Variants in FGF13 observed in about 807,000 individuals in gnomAD.
FGF13 encodes fibroblast growth factor homologous factor 2.
In FGF13, 2 loss-of-function variants were observed where a neutral mutation model predicts 19.5. That is an observed-to-expected ratio of 0.10 (90% CI 0.04 to 0.32). FGF13 has a LOEUF of 0.32. FGF13 is among the 10% of genes least tolerant of loss of function. FGF13 has a pLI of 1.00. For synonymous variants in FGF13, 72 were observed against 76.9 expected (o/e 0.94, Z 0.33); for missense variants, 113 against 192.7 (o/e 0.59, Z 2.45).
chrX:138,896,189 T>C (rs2091502882), intron 1 of FGF13, among the ~76,000 whole-genome samples: 1 of 111,984 alleles, frequency 8.9e-6, no homozygotes, highest in East Asian at 2.8e-4. Context: ...TATGAGATGA[T>C]GGATATGTTA....
intron 1 of FGF13, among the ~76,000 whole-genome samples, chrX:138,909,701 G>A (rs181527651): frequency 5.4e-5 from 6 of 112,021 alleles, no homozygotes; most frequent in African/African-American, 1.9e-4. Flanking sequence ...TTACAGTTAG[G>A]TGATGTTGGA....
At chrX:139,073,497 C>G (rs2092383378) in intron 1 of FGF13, among the ~76,000 whole-genome samples, 1 of 111,541 alleles carries the variant, frequency 9.0e-6, no homozygotes, top group African/African-American at 3.3e-5. Flanking sequence ...TCACTCTTTT[C>G]CCTTTCTTAA....
At chrX:138,824,647 T>C (rs1237496084) in intron 3 of FGF13, among the ~76,000 whole-genome samples, 1 of 111,479 alleles carries the variant, frequency 9.0e-6, no homozygotes, top group Admixed American at 9.6e-5. Context: ...GAGCTATATA[T>C]GATATTGGCC....
At chrX:139,150,526 G>A (rs1167783268) in intron 1 of FGF13, among the ~76,000 whole-genome samples, 1 of 111,505 alleles carries the variant, frequency 9.0e-6, no homozygotes, top group Non-Finnish European at 1.9e-5. Context: ...TGGTGGCTTG[G>A]GATTCTTTTC....
In FGF13 at chrX:138,622,319, A is replaced by G. The variant is rs986369262; in HGVS notation, c.*10531T>C. On this transcript the variant is annotated 3_prime_UTR_variant, in exon 5 of 5. Coordinates refer to ENST00000315930, the MANE Select transcript of FGF13 (RefSeq NM_004114.5). ...GCTCAACATACTCAAATCAATAAATATGAACAATAAGACAATGAAGGATAA... is the reference window on the plus strand; with the variant it reads ...GCTCAACATACTCAAATCAATAAATGTGAACAATAAGACAATGAAGGATAA... 8.9e-6 allele frequency: 1 copy of G among 111,845 alleles called. No homozygotes were observed. Among genetic ancestry groups the G allele is most frequent in the African/African-American group, 3.2e-5 (1 of 30,853 alleles). The allele number at this position is 111,845 out of a possible 1,213,427, so 9.2% of individuals were successfully genotyped here. A position where few individuals can be genotyped will look rare whatever the true frequency, so the allele number is the denominator to read the frequency against.
rs11549463 is a variant in FGF13, at chrX:138,711,218, G to A, written c.-215C>T. 8 of 1,056,061 alleles carry A rather than the reference G, an allele frequency of 7.6e-6. No individual in the cohort carries two copies. Among genetic ancestry groups the A allele is most frequent in the African/African-American group, 3.9e-5 (2 of 51,294 alleles). 87.0% of individuals were successfully genotyped at this position (1,056,061 alleles called of 1,213,427 possible). On this transcript the variant is annotated 5_prime_UTR_variant, in exon 1 of 5. Coordinates refer to ENST00000315930, the MANE Select transcript of FGF13 (RefSeq NM_004114.5). ...TCCGGCGGCGGTCCGGCTCCCGCGC[G>A]GGCTGCTGGCTGCCTGGGTCGGAGT... is the stretch of plus-strand genomic sequence containing the variant.
chrX:138,671,242 C>T (rs994268025), intron 3 of FGF13, among the ~76,000 whole-genome samples: 5 of 111,018 alleles, frequency 4.5e-5, no homozygotes, highest in Non-Finnish European at 7.6e-5. Context: ...GGCTGAATTA[C>T]GTCTCTGCTT....
intron 1 of FGF13, among the ~76,000 whole-genome samples, chrX:138,932,604 G>A (rs1289035512): frequency 9.1e-6 from 1 of 109,570 alleles, no homozygotes; most frequent in Non-Finnish European, 1.9e-5. Flanking sequence ...GAGGGACTCC[G>A]TCTCAACCAC....
chrX:138,982,604 T>C (rs1347968095), intron 1 of FGF13, among the ~76,000 whole-genome samples: 1 of 112,126 alleles, frequency 8.9e-6, no homozygotes, highest in Non-Finnish European at 1.9e-5. Flanking sequence ...GAAGAAATAA[T>C]CATTTCAGCT....
At chrX:139,044,621 G>A (rs375715302) in intron 1 of FGF13, among the ~76,000 whole-genome samples, 7 of 110,698 alleles carry the variant, frequency 6.3e-5, no homozygotes, top group African/African-American at 1.3e-4. Context: ...CATGCCTTCC[G>A]AACAGTCCCT....
At chrX:138,947,352 G>C (rs1417053278) in intron 1 of FGF13, among the ~76,000 whole-genome samples, 1 of 111,484 alleles carries the variant, frequency 9.0e-6, no homozygotes. Flanking sequence ...TGAATTTATA[G>C]TCAGACAGAT....
chrX:139,204,199 C>G (rs1416228126), upstream of FGF13: 122 of 820,553 alleles, frequency 1.5e-4, no homozygotes, highest in Non-Finnish European at 2.1e-4. Flanking sequence ...CGGCAAGTCT[C>G]GACCACGAGC....
chrX:138,997,663 C>T (rs889223162), intron 1 of FGF13, among the ~76,000 whole-genome samples: 1 of 111,640 alleles, frequency 9.0e-6, no homozygotes, highest in African/African-American at 3.3e-5. Context: ...AACAAAGCCT[C>T]CAGGAAATAT....
At chrX:138,803,110 G>T (rs1198372471) in intron 3 of FGF13, among the ~76,000 whole-genome samples, 1 of 111,505 alleles carries the variant, frequency 9.0e-6, no homozygotes, top group Non-Finnish European at 1.9e-5. Flanking sequence ...CAACTCTAAT[G>T]GCAACTACTT....
intron 2 of FGF13, chrX:138,864,510 C>T (rs992517599): frequency 1.2e-4 from 14 of 112,422 alleles, no homozygotes; most frequent in African/African-American, 4.2e-4. Flanking sequence ...CCCAGCCAAC[C>T]GAAGTCCTGG....
intron 1 of FGF13, among the ~76,000 whole-genome samples, chrX:138,953,070 A>G (rs1435586693): frequency 1.8e-5 from 2 of 111,816 alleles, no homozygotes; most frequent in Non-Finnish European, 3.8e-5. Flanking sequence ...CAGCAATCCC[A>G]TTACGGGGTA....
chrX:139,100,079 C>CACACACACACAA (rs2083499811), intron 1 of FGF13, among the ~76,000 whole-genome samples: 2 of 108,884 alleles, frequency 1.8e-5, no homozygotes, highest in African/African-American at 6.8e-5. Flanking sequence ...CACACACACA[C>CACACACACACAA]ACACACACAT....
At chrX:138,992,973 A>G (rs2092024034) in intron 1 of FGF13, among the ~76,000 whole-genome samples, 1 of 112,163 alleles carries the variant, frequency 8.9e-6, no homozygotes, top group East Asian at 2.8e-4. Flanking sequence ...GAAATTATGT[A>G]CCTCTTGATA....
chrX:138,827,085 G>A (rs895200742), intron 3 of FGF13, among the ~76,000 whole-genome samples: 19 of 112,303 alleles, frequency 1.7e-4, no homozygotes, highest in African/African-American at 6.1e-4. Flanking sequence ...GGAAAAGTCT[G>A]CCAGCTACCA....
Sources: gnomAD v4.1 joint callset for allele counts (sites outside exome capture counted in the v4.1 genomes callset) on GRCh38, gnomAD v4.1.1 for gene constraint, MANE v1.5 for transcripts, NCBI Gene and HGNC (gene_info 2026-07-23, HGNC 2026-07-21) for gene names.